SLIT1: variants seen among roughly 807,000 people sequenced by gnomAD.
SLIT1 encodes slit homolog 1 protein.
Under a neutral mutation model 186.1 loss-of-function variants are expected in SLIT1, and 66 were observed. The observed-to-expected ratio is 0.35, with a 90% confidence interval of 0.29 to 0.44. SLIT1 has a LOEUF of 0.44. Ranked by LOEUF, SLIT1 falls within the 20% of genes least tolerant of loss-of-function variation. The probability of loss-of-function intolerance (pLI) is 1.00; values close to 1 mark genes in which losing one functional copy is unlikely to be tolerated. For missense variants in SLIT1, 1,638 were observed against 2,037.4 expected (o/e 0.80, Z 3.77); for synonymous variants, 761 against 833.8 (o/e 0.91, Z 1.50).
chr10:97,095,268 G>A (rs1171769379), intron 4 of SLIT1, among the ~76,000 whole-genome samples: 1 of 152,162 alleles, frequency 6.6e-6, no homozygotes, highest in Non-Finnish European at 1.5e-5. Flanking sequence ...GGGCAACAGA[G>A]CAAAACTCCT....
At chr10:97,134,314 C>T (rs910278643) in intron 4 of SLIT1, among the ~76,000 whole-genome samples, 2 of 152,174 alleles carry the variant, frequency 1.3e-5, no homozygotes, top group Non-Finnish European at 2.9e-5. Flanking sequence ...ATTCTACAGG[C>T]GTTATTGTGC....
At chr10:97,164,217 T>C (rs1198823148) in intron 2 of SLIT1, among the ~76,000 whole-genome samples, 1 of 152,170 alleles carries the variant, frequency 6.6e-6, no homozygotes, top group Non-Finnish European at 1.5e-5. Flanking sequence ...CATCTGTCCC[T>C]CTCCACCCGC....
intron 23 of SLIT1, 69 bp downstream of exon 23, chr10:97,034,402 G>T: frequency 8.7e-7 from 1 of 1,150,226 alleles, no homozygotes; most frequent in South Asian, 1.2e-5. Flanking sequence ...AAAAAGCACA[G>T]GCTGGGGCTA....
intron 4 of SLIT1, among the ~76,000 whole-genome samples, chr10:97,123,194 C>A (rs1185265747): frequency 6.6e-6 from 1 of 152,218 alleles, no homozygotes; most frequent in Non-Finnish European, 1.5e-5. Context: ...ACGTGATCTT[C>A]TGAAGTCAAT....
Position 97,063,407 on chromosome 10 carries a change from G to A in SLIT1, c.793+48C>T, listed in dbSNP as rs200575230. 299 of 1,603,862 alleles carry A rather than the reference G, an allele frequency of 1.9e-4. 2 individuals are homozygous for A. The East Asian group carries it at 5.1e-3, about 27-fold the overall frequency. On this transcript the variant is annotated intron_variant, in intron 8 of 36. Coordinates refer to ENST00000266058, the MANE Select transcript of SLIT1 (RefSeq NM_003061.3). Reference sequence around the variant, plus strand: ...GATTAGGGGCGGGAACAAGAGGCAGGGCAGGAGGCGCCGGACAGTTGAGAG... The same window carrying A: ...GATTAGGGGCGGGAACAAGAGGCAGAGCAGGAGGCGCCGGACAGTTGAGAG...
chr10:97,095,094 C>T (rs1849273263), intron 4 of SLIT1, among the ~76,000 whole-genome samples: 1 of 152,092 alleles, frequency 6.6e-6, no homozygotes, highest in African/African-American at 2.4e-5. Context: ...ACCAGCCTGG[C>T]CAACATAGTG....
chr10:97,000,206 C>T lies in SLIT1; in HGVS notation c.*906G>A, dbSNP rs1465929621. ...CCCAGGTCAAGCACCCTGGCCCAGA[C>T]CCTCACACCCAGTCCCTCTACCAAT... On this transcript the variant is annotated 3_prime_UTR_variant, in exon 37 of 37. Coordinates refer to ENST00000266058, the MANE Select transcript of SLIT1 (RefSeq NM_003061.3). The T allele has an allele frequency of 1.3e-5, 2 of 152,380 alleles. No individual in the cohort carries two copies. The highest frequency in any genetic ancestry group is 1.5e-5 in the Non-Finnish European group (1 of 68,192). The allele number at this position is 152,380 out of a possible 1,614,324, so 9.4% of individuals were successfully genotyped here.
intron 4 of SLIT1, among the ~76,000 whole-genome samples, chr10:97,069,004 C>T (rs1194948450): frequency 6.6e-6 from 1 of 152,244 alleles, no homozygotes. Flanking sequence ...AGTGTCTCTG[C>T]TTCATATAAG....
chr10:97,095,743 G>A (rs566984416), intron 4 of SLIT1, among the ~76,000 whole-genome samples: 4 of 152,244 alleles, frequency 2.6e-5, no homozygotes, highest in South Asian at 4.1e-4. Context: ...TCCAGACCCC[G>A]GTTCAGAGGC....
chr10:97,181,870 G>A (rs1179430661), intron 1 of SLIT1, among the ~76,000 whole-genome samples: 3 of 152,060 alleles, frequency 2.0e-5, no homozygotes, highest in South Asian at 4.2e-4. Context: ...GGGAACCAGC[G>A]ATGTCCACAC....
rs183344588 is a variant in SLIT1, at chr10:97,149,220, A to T, written c.413+8598T>A. The stretch of plus-strand genomic sequence containing the variant: ...CGCATCAGCCCGCTCTGGCGAGCAG[A>T]TGTCAATCTGAGGCCGGCCGCCCTC... On this transcript the variant is annotated intron_variant, in intron 4 of 36. Transcript: ENST00000266058. Among the ~76,000 whole-genome samples the T allele has an allele frequency of 5.5e-3, 832 of 152,340 alleles. 10 individuals carry two copies. The highest frequency in any genetic ancestry group is 0.02 in the African/African-American group (813 of 41,574).
chr10:97,149,045 C>G (rs1417940706), intron 4 of SLIT1, among the ~76,000 whole-genome samples: 3 of 152,090 alleles, frequency 2.0e-5, no homozygotes, highest in East Asian at 1.9e-4. Context: ...CCGCTCGCCA[C>G]CCCCCCGTGG....
rs1290892614 is a variant in SLIT1, at chr10:97,080,133, C to T, written c.414-14047G>A. Among the ~76,000 whole-genome samples, 9 of 152,244 alleles carry T rather than the reference C, an allele frequency of 5.9e-5. No individual in the cohort carries two copies. The East Asian group carries it at 1.3e-3, about 23-fold the overall frequency. On this transcript the variant is annotated intron_variant, in intron 4 of 36. Transcript: ENST00000266058. ...CTTTGCATCTGCTACCAATGGGCCCCGGGCTTCTCACAGCCTAGGGGGACT... is the reference window on the plus strand; with the variant it reads ...CTTTGCATCTGCTACCAATGGGCCCTGGGCTTCTCACAGCCTAGGGGGACT...
intron 4 of SLIT1, among the ~76,000 whole-genome samples, chr10:97,133,402 A>G (rs922427046): frequency 6.6e-6 from 1 of 152,130 alleles, no homozygotes; most frequent in Non-Finnish European, 1.5e-5. Flanking sequence ...TTTTTAAAGA[A>G]TTTCTTTTTA....
In SLIT1 at chr10:97,023,329, G is replaced by A. The variant is rs190613942; in HGVS notation, c.2583-1916C>T. Among the ~76,000 whole-genome samples the A allele has an allele frequency of 1.9e-3, 292 of 150,812 alleles. 1 individual carries two copies. Among genetic ancestry groups the A allele is most frequent in the Non-Finnish European group, 3.2e-3 (219 of 67,840 alleles). ...GATCCGTCCACCTCAGCCTCCAAAAGTGCTGAGGTTACAGGTTTGAGCCAC... is the reference window on the plus strand; with the variant it reads ...GATCCGTCCACCTCAGCCTCCAAAAATGCTGAGGTTACAGGTTTGAGCCAC... On this transcript the variant is annotated intron_variant, in intron 25 of 36. Transcript: ENST00000266058.
Position 97,011,128 on chromosome 10 carries a change from C to T in SLIT1, c.3206G>A (p.Cys1069Tyr). ...QCVGTPDGPR[C>Y]ECMPGYAGDN... is the part of the protein sequence containing the mutation. ...ACCTGCATAACCTGGCATGCACTCA[C>T]ACCTAGTGGGTGGGGGGCAGGGGTA... Residue 1069 changes from cysteine to tyrosine, a missense_variant and splice_region_variant, in exon 31 of 37, where the codon TGT becomes TAT. Physicochemically the swap from Cys to Tyr is radical, Grantham distance 194. Transcript: ENST00000266058. 1 of 1,613,072 alleles carries T rather than the reference C, an allele frequency of 6.2e-7. No individual in the cohort carries two copies. Among genetic ancestry groups the T allele is most frequent in the Non-Finnish European group, 8.5e-7 (1 of 1,179,222 alleles).
intron 22 of SLIT1, among the ~76,000 whole-genome samples, chr10:97,035,947 T>C (rs1848634725): frequency 6.6e-6 from 1 of 152,094 alleles, no homozygotes; most frequent in Admixed American, 6.5e-5. Flanking sequence ...GATCACATCC[T>C]CCTTGAGCCA....
intron 4 of SLIT1, among the ~76,000 whole-genome samples, chr10:97,134,739 CT>C (rs1438636810): frequency 2.0e-5 from 3 of 152,216 alleles, no homozygotes; most frequent in Admixed American, 2.0e-4. Context: ...CCATTGTCAC[CT>C]TTTGCCTGTG....
intron 6 of SLIT1, among the ~76,000 whole-genome samples, 198 bp from the exon 7 acceptor site, chr10:97,064,437 C>A (rs1848924994): frequency 6.6e-6 from 1 of 152,170 alleles, no homozygotes; most frequent in Admixed American, 6.5e-5. Flanking sequence ...TGACCGTAAG[C>A]CGACAGCACC....
Sources: gnomAD v4.1 joint callset for allele counts (sites outside exome capture counted in the v4.1 genomes callset) on GRCh38, gnomAD v4.1.1 for gene constraint, MANE v1.5 for transcripts, NCBI Gene and HGNC (gene_info 2026-07-23, HGNC 2026-07-21) for gene names.